PPM1M: variants seen among roughly 807,000 people sequenced by gnomAD.
PPM1M encodes the protein protein phosphatase, Mg2+/Mn2+ dependent 1M.
In PPM1M, 44 loss-of-function variants were observed where a neutral mutation model predicts 50.8. The ratio of observed to expected loss-of-function variants is 0.87; its 90% CI spans 0.68 to 1.11. The LOEUF (loss-of-function observed/expected upper bound fraction) is 1.11, where lower values mean the gene tolerates loss of function less well. Ranked by LOEUF, PPM1M falls within the 50% of genes most tolerant of loss-of-function variation. The probability of loss-of-function intolerance (pLI) is 0.00; values close to 1 mark genes in which losing one functional copy is unlikely to be tolerated. For missense variants in PPM1M, 556 were observed against 593.4 expected, an observed-to-expected ratio of 0.94 and a Z score of 0.66; for synonymous variants, 224 against 242.9, an observed-to-expected ratio of 0.92 and a Z score of 0.72.
At position 52,249,158 on chromosome 3, in the gene PPM1M, C is replaced by A; in HGVS notation, c.1087-16C>A. 2 of 1,613,696 alleles carry A rather than the reference C, an allele frequency of 1.2e-6. No individual in the cohort carries two copies. Among genetic ancestry groups the A allele is most frequent in the Non-Finnish European group, 8.5e-7 (1 of 1,179,758 alleles). On this transcript the variant is annotated splice_polypyrimidine_tract_variant and intron_variant, in intron 8 of 9. Coordinates refer to ENST00000323588, the MANE Select transcript of PPM1M (RefSeq NM_144641.4). ...TCGGGAAGGGAGTGTGCAGGATCCT[C>A]AGGCTTAATTTGTAGGTGACTGTGC...
intron 7 of PPM1M, 87 bp from the exon 8 acceptor site, chr3:52,248,869 T>C (rs1699911209): frequency 7.9e-7 from 1 of 1,260,876 alleles, no homozygotes; most frequent in African/African-American, 1.5e-5. Context: ...AGTCCACCTC[T>C]CCCTGTGTGC....
In PPM1M at chr3:52,247,703, C is replaced by T; in HGVS notation, c.619C>T (p.Leu207=). 6.2e-7 allele frequency: 1 copy of T among 1,603,756 alleles called. No homozygotes were observed. Among genetic ancestry groups the T allele is most frequent in the Non-Finnish European group, 8.5e-7 (1 of 1,175,218 alleles). Residue 207 remains leucine (L), a synonymous_variant, in exon 4 of 10, where the codon CTG becomes TTG. Transcript: ENST00000323588. ...CCAGGATGAGGTGATCGGGCGGGAG[C>T]TGGAGGCCTCAGGCCAGATGGGCGG... ...QECDEVIGRE[L]EASGQMGGCT...
chr3:52,248,638 A>G lies in PPM1M; in HGVS notation c.916A>G (p.Ser306Gly), dbSNP rs746381519. The G allele has an allele frequency of 1.2e-5, 20 of 1,613,810 alleles. No homozygotes were observed. Among genetic ancestry groups the G allele is most frequent in the Non-Finnish European group, 1.6e-5 (19 of 1,179,840 alleles). ...TGATGCTGGCTCTGCTCCTGGTAGG[A>G]GCTACAAACGTGTGGAGAAATCGGA... ...LFRDHHMSGW[S>G]YKRVEKSDLK... is the part of the protein sequence containing the mutation. Residue 306 changes from serine to glycine, a missense_variant and splice_region_variant, in exon 7 of 10, where the codon AGC (serine) becomes GGC (glycine). Coordinates refer to ENST00000323588, the MANE Select transcript of PPM1M (RefSeq NM_144641.4).
chr3:52,247,339 G>A (rs982344188), intron 3 of PPM1M, 111 bp downstream of exon 3: 14 of 1,435,142 alleles, frequency 9.8e-6, no homozygotes, highest in South Asian at 5.6e-5. Flanking sequence ...TGGATTGGGA[G>A]GATGAGATTG....
At chr3:52,249,592 G>C in intron 9 of PPM1M, 78 bp from the exon 10 acceptor site, 1 of 1,587,982 alleles carries the variant, frequency 6.3e-7, no homozygotes, top group Non-Finnish European at 8.6e-7. Flanking sequence ...GTCCAGCCTT[G>C]TGCAGTGAGT....
chr3:52,249,592 G>A, intron 9 of PPM1M, 78 bp from the exon 10 acceptor site: 1 of 1,587,982 alleles, frequency 6.3e-7, no homozygotes, highest in South Asian at 1.1e-5. Context: ...GTCCAGCCTT[G>A]TGCAGTGAGT....
rs866396521 is a variant in PPM1M, at chr3:52,247,897, T to C, written c.710+103T>C. On this transcript the variant is annotated intron_variant, in intron 4 of 9. Coordinates refer to ENST00000323588, the MANE Select transcript of PPM1M (RefSeq NM_144641.4). ...GGAAGTGGAGGGATAGTAGGAAGGATTGACTGGCTGAATTGTGTGTGTACT... is the reference window on the plus strand; with the variant it reads ...GGAAGTGGAGGGATAGTAGGAAGGACTGACTGGCTGAATTGTGTGTGTACT... 186 of 810,982 alleles carry C rather than the reference T, an allele frequency of 2.3e-4. No homozygotes were observed. In the Middle Eastern group the frequency reaches 6.5e-3, roughly 28 times the overall value. 50.2% of individuals were successfully genotyped at this position (810,982 alleles called of 1,614,324 possible). A position where few individuals can be genotyped will look rare whatever the true frequency, so the allele number is the denominator to read the frequency against.
At chr3:52,246,562 T>G in intron 1 of PPM1M, 133 bp from the exon 2 acceptor site, 1 of 509,320 alleles carries the variant, frequency 2.0e-6, no homozygotes, top group Non-Finnish European at 3.2e-6. Context: ...GTTGTCTAAG[T>G]GTGTGTTAGG....
rs138288630 is a variant in PPM1M, at chr3:52,248,962, T to C, written c.985T>C (p.Leu329=). The part of the protein sequence containing the change: ...LIHGQGRQAR[L]LGTLAVSRGL... ...ACACCTCACTTTCCCTCAGGCTCGG[T>C]TACTAGGAACACTGGCTGTCTCCCG... Residue 329 remains leucine (L), a synonymous_variant, in exon 8 of 10, where the codon TTA becomes CTA. Coordinates refer to ENST00000323588, the MANE Select transcript of PPM1M (RefSeq NM_144641.4). 249 of 1,605,010 alleles carry C rather than the reference T, an allele frequency of 1.6e-4. 1 individual carries two copies. In the African/African-American group the frequency reaches 2.8e-3, roughly 18 times the overall value.
Position 52,249,918 on chromosome 3 carries a change from C to T in PPM1M, c.*104C>T. The stretch of plus-strand genomic sequence containing the variant: ...ATCCTGCCTGCCCTATCCCTAGCCA[C>T]CGCCCAGTGCTCTCACTATCCACCT... On this transcript the variant is annotated 3_prime_UTR_variant, in exon 10 of 10. Coordinates refer to ENST00000323588, the MANE Select transcript of PPM1M (RefSeq NM_144641.4). 1 of 1,013,934 alleles carries T rather than the reference C, an allele frequency of 9.9e-7. No homozygotes were observed. Among genetic ancestry groups the T allele is most frequent in the South Asian group, 1.5e-5 (1 of 66,582 alleles). The allele number at this position is 1,013,934 out of a possible 1,614,324, so 62.8% of individuals were successfully genotyped here. A position where few individuals can be genotyped will look rare whatever the true frequency, so the allele number is the denominator to read the frequency against.
chr3:52,247,921 C>A, intron 4 of PPM1M, 127 bp downstream of exon 4: 2 of 761,406 alleles, frequency 2.6e-6, no homozygotes, highest in South Asian at 1.6e-5. Context: ...TGTGTGTGTA[C>A]TTGTTATGTG....
chr3:52,249,090 G>A (rs761756590), intron 8 of PPM1M, 27 bp downstream of exon 8: 9 of 1,608,244 alleles, frequency 5.6e-6, no homozygotes, highest in Non-Finnish European at 7.6e-6. Flanking sequence ...GTCCAACCCA[G>A]CTTCCATCTG....
Position 52,249,909 on chromosome 3 carries a change from C to T in PPM1M, c.*95C>T. On this transcript the variant is annotated 3_prime_UTR_variant, in exon 10 of 10. Transcript: ENST00000323588. Reference sequence around the variant, plus strand: ...CAAGAGCAAATCCTGCCTGCCCTATCCCTAGCCACCGCCCAGTGCTCTCAC... The same window carrying T: ...CAAGAGCAAATCCTGCCTGCCCTATTCCTAGCCACCGCCCAGTGCTCTCAC... The T allele has an allele frequency of 6.0e-6, 7 of 1,157,100 alleles. No homozygotes were observed. Among genetic ancestry groups the T allele is most frequent in the Non-Finnish European group, 8.6e-6 (7 of 809,844 alleles). The allele number at this position is 1,157,100 out of a possible 1,614,324, so 71.7% of individuals were successfully genotyped here. A position where few individuals can be genotyped will look rare whatever the true frequency, so the allele number is the denominator to read the frequency against.
chr3:52,247,440 C>T, intron 3 of PPM1M: 2 of 752,228 alleles, frequency 2.7e-6, no homozygotes, highest in South Asian at 3.7e-5. Context: ...CTTTTACCTG[C>T]ATCATCTAAT....
chr3:52,246,382 G>T (rs931954336), intron 1 of PPM1M: 5 of 1,064,460 alleles, frequency 4.7e-6, no homozygotes, highest in South Asian at 2.5e-5. Context: ...CTCACCCTGG[G>T]TATGACCTGC....
Position 52,247,153 on chromosome 3 carries a change from TCA to T in PPM1M, c.523_524del (p.Gln175ValfsTer25), listed in dbSNP as rs1428021151. The T allele has an allele frequency of 1.9e-6, 3 of 1,612,542 alleles. No individual in the cohort carries two copies. In the Admixed American group the frequency reaches 5.0e-5, roughly 27 times the overall value. On this transcript the variant is annotated frameshift_variant, in exon 3 of 10. Coordinates refer to ENST00000323588, the MANE Select transcript of PPM1M (RefSeq NM_144641.4). LOFTEE classifies it high-confidence loss of function. ...NGRCICPSDPQFVEEKGIRAE... is the reference protein window; with the variant it reads ...NGRCICPSDPXFVEEKGIRAE... ...GCCGCTGCATCTGCCCCAGTGACCC[TCA>T]GTTTGTGGAGGAAAAGGGCATCAGG...
rs376869756 is a variant in PPM1M, at chr3:52,249,913, A to G, written c.*99A>G. Reference sequence around the variant, plus strand: ...AGCAAATCCTGCCTGCCCTATCCCTAGCCACCGCCCAGTGCTCTCACTATC... The same window carrying G: ...AGCAAATCCTGCCTGCCCTATCCCTGGCCACCGCCCAGTGCTCTCACTATC... On this transcript the variant is annotated 3_prime_UTR_variant, in exon 10 of 10. Coordinates refer to ENST00000323588, the MANE Select transcript of PPM1M (RefSeq NM_144641.4). 2 of 1,117,628 alleles carry G rather than the reference A, an allele frequency of 1.8e-6. No homozygotes were observed. Among genetic ancestry groups the G allele is most frequent in the African/African-American group, 1.5e-5 (1 of 65,402 alleles). 69.2% of individuals were successfully genotyped at this position (1,117,628 alleles called of 1,614,324 possible).
intron 1 of PPM1M, 115 bp from the exon 2 acceptor site, chr3:52,246,580 C>G: frequency 1.7e-6 from 1 of 590,686 alleles, no homozygotes; most frequent in Non-Finnish European, 2.8e-6. Context: ...AGGGACAGCA[C>G]TGGGGAGCTG....
At chr3:52,247,495 T>C in intron 3 of PPM1M, 187 bp from the exon 4 acceptor site, 1 of 656,110 alleles carries the variant, frequency 1.5e-6, no homozygotes, top group East Asian at 2.7e-5. Flanking sequence ...TTTCTCTTCC[T>C]ATTTTGAGTA....
Sources: gnomAD v4.1 joint callset for allele counts on GRCh38, gnomAD v4.1.1 for gene constraint, MANE v1.5 for transcripts, NCBI Gene and HGNC (gene_info 2026-07-23, HGNC 2026-07-21) for gene names.